The following BNC2 variants were observed in gnomAD, a reference collection of about 807,000 sequenced individuals.
BNC2 encodes the protein basonuclin zinc finger protein 2.
A neutral mutation model predicts 76.3 loss-of-function variants in BNC2; 20 were observed. That is an observed-to-expected ratio of 0.26 (90% CI 0.18 to 0.38). The LOEUF is 0.38. Among genes scored for constraint, BNC2 ranks in the 10% least tolerant of loss-of-function variants. The probability of loss-of-function intolerance (pLI) is 1.00; values close to 1 mark genes in which losing one functional copy is unlikely to be tolerated. For synonymous variants in BNC2, 582 were observed against 514.8 expected (o/e 1.13, Z -1.77); for missense variants, 1,382 against 1,399.8 (o/e 0.99, Z 0.20).
intron 3 of BNC2, among the ~76,000 whole-genome samples, chr9:16,690,336 G>T (rs1187044466): frequency 6.6e-6 from 1 of 152,060 alleles, no homozygotes; most frequent in Non-Finnish European, 1.5e-5. Flanking sequence ...AAATTAGCTG[G>T]GTGTGGTGAC....
chr9:16,454,355 T>G (rs1231135763), intron 5 of BNC2, among the ~76,000 whole-genome samples: 1 of 99,294 alleles, frequency 1.0e-5, no homozygotes, highest in Non-Finnish European at 1.8e-5. Context: ...CAGGCTGGAG[T>G]GCAGTGGTGT....
chr9:16,787,589 G>C (rs891979667), intron 1 of BNC2, among the ~76,000 whole-genome samples: 1 of 152,144 alleles, frequency 6.6e-6, no homozygotes, highest in African/African-American at 2.4e-5. Context: ...CTGAAGTTAC[G>C]GTAGTGGGCT....
chr9:16,569,178 A>C (rs1819249045), intron 4 of BNC2, among the ~76,000 whole-genome samples: 1 of 151,886 alleles, frequency 6.6e-6, no homozygotes, highest in Admixed American at 6.6e-5. Flanking sequence ...CTGAACCTCT[A>C]CAAATCCTCA....
At chr9:16,541,902 C>T (rs1818333104) in intron 5 of BNC2, among the ~76,000 whole-genome samples, 1 of 152,030 alleles carries the variant, frequency 6.6e-6, no homozygotes, top group Admixed American at 6.6e-5. Context: ...GCCTATTGTG[C>T]ACAGAGCCTT....
intron 1 of BNC2, among the ~76,000 whole-genome samples, chr9:16,857,076 AC>A (rs1381799655): frequency 1.3e-5 from 2 of 152,224 alleles, no homozygotes; most frequent in African/African-American, 4.8e-5. Flanking sequence ...TAGAAAAGTA[AC>A]ATTAATGTTT....
chr9:16,632,779 A>T (rs1210155127), intron 3 of BNC2, among the ~76,000 whole-genome samples: 1 of 152,202 alleles, frequency 6.6e-6, no homozygotes, highest in African/African-American at 2.4e-5. Flanking sequence ...CAAGAGTGTG[A>T]TGCAAATTTT....
intron 3 of BNC2, among the ~76,000 whole-genome samples, chr9:16,637,275 A>T (rs1393891445): frequency 6.6e-6 from 1 of 152,204 alleles, no homozygotes; most frequent in East Asian, 1.9e-4. Flanking sequence ...AGCAAAATTT[A>T]AAAGCAAACT....
chr9:16,707,684 C>T (rs541436154), intron 3 of BNC2, among the ~76,000 whole-genome samples: 1 of 152,252 alleles, frequency 6.6e-6, no homozygotes, highest in East Asian at 1.9e-4. Flanking sequence ...CTCTGTTGCC[C>T]GGGCTGGAGT....
intron 5 of BNC2, among the ~76,000 whole-genome samples, chr9:16,537,790 A>G (rs1411564597): frequency 6.6e-6 from 1 of 152,220 alleles, no homozygotes; most frequent in African/African-American, 2.4e-5. Flanking sequence ...CTAGGAAACC[A>G]CAACTTATGC....
chr9:16,603,354 A>G (rs1286660396), intron 3 of BNC2, among the ~76,000 whole-genome samples: 2 of 152,216 alleles, frequency 1.3e-5, no homozygotes, highest in Non-Finnish European at 2.9e-5. Flanking sequence ...TTAAAATTAC[A>G]TTTTTCATAT....
At chr9:16,867,794 G>A (rs1563978306) in intron 1 of BNC2, 1 of 139,228 alleles carries the variant, frequency 7.2e-6, no homozygotes. Context: ...AGTCCCACAA[G>A]GACTAACTTG....
chr9:16,808,195 G>T (rs1261660901), intron 1 of BNC2, among the ~76,000 whole-genome samples: 1 of 152,020 alleles, frequency 6.6e-6, no homozygotes, highest in East Asian at 1.9e-4. Flanking sequence ...TTAAACACAG[G>T]AAGAATAAAT....
rs930652042 is a variant in BNC2 at position 16,541,570 on chromosome 9, C to A, written c.669+10960G>T. On this transcript the variant is annotated intron_variant, in intron 5 of 6. Coordinates refer to ENST00000380672, the MANE Select transcript of BNC2 (RefSeq NM_017637.6). ...GAGATGACAGCACAGAGACAAGTAG[C>A]TCTTAATTACTCTTTCCAGGGGAAT... 2.6e-5 allele frequency among the ~76,000 whole-genome samples: 4 copies of A among 152,174 alleles called. No homozygotes were observed. In the East Asian group the frequency reaches 7.7e-4, roughly 29 times the overall value.
intron 5 of BNC2, among the ~76,000 whole-genome samples, chr9:16,546,822 G>C (rs1423745203): frequency 6.6e-6 from 1 of 152,126 alleles, no homozygotes; most frequent in Non-Finnish European, 1.5e-5. Flanking sequence ...ATTCTGGAAA[G>C]ACAGGCTGGT....
At chr9:16,652,010 T>G (rs1277515873) in intron 3 of BNC2, among the ~76,000 whole-genome samples, 44 of 152,214 alleles carry the variant, frequency 2.9e-4, no homozygotes, top group South Asian at 4.1e-4. Flanking sequence ...ACAGCATATG[T>G]GTTCCTCAGC....
At chr9:16,482,156 C>T (rs754394184) in intron 5 of BNC2, among the ~76,000 whole-genome samples, 8 of 152,018 alleles carry the variant, frequency 5.3e-5, no homozygotes, top group Non-Finnish European at 1.0e-4. Context: ...TTCACTGATA[C>T]CACAGGGGAA....
At chr9:16,590,844 G>A (rs1049122548) in intron 3 of BNC2, among the ~76,000 whole-genome samples, 5 of 152,046 alleles carry the variant, frequency 3.3e-5, no homozygotes, top group South Asian at 2.1e-4. Context: ...CCTAGTGGAC[G>A]AAAATCTGGA....
chr9:16,670,523 T>C (rs545539695), intron 3 of BNC2, among the ~76,000 whole-genome samples: 29 of 152,256 alleles, frequency 1.9e-4, no homozygotes, highest in African/African-American at 7.0e-4. Flanking sequence ...CTGACAACTT[T>C]CTCCCACTCC....
At chr9:16,585,286 AT>A (rs548491265) in intron 3 of BNC2, among the ~76,000 whole-genome samples, 186 of 152,222 alleles carry the variant, frequency 1.2e-3, no homozygotes, top group Non-Finnish European at 2.1e-4. Context: ...TGATTCAAAT[AT>A]TTTGTCTTCC....
Sources: allele counts gnomAD v4.1 joint callset (sites outside exome capture counted in the v4.1 genomes callset), GRCh38; gene constraint gnomAD v4.1.1; transcripts MANE v1.5; gene names NCBI Gene and HGNC (gene_info 2026-07-23, HGNC 2026-07-21).